IGSF11: variants seen among roughly 807,000 people sequenced by gnomAD.
IGSF11 encodes CXADR like 1.
In IGSF11, 22 loss-of-function variants were observed where a neutral mutation model predicts 41.0. The ratio of observed to expected loss-of-function variants is 0.54; its 90% CI spans 0.38 to 0.77. IGSF11 has a LOEUF of 0.77. Ranked by LOEUF, IGSF11 falls within the 30% of genes least tolerant of loss-of-function variation. The pLI is 0.00. For synonymous variants in IGSF11, 219 were observed against 201.3 expected (o/e 1.09, Z -0.74); for missense variants, 444 against 530.8 (o/e 0.84, Z 1.61).
intron 1 of IGSF11, among the ~76,000 whole-genome samples, chr3:119,134,923 T>A (rs2077538965): frequency 6.6e-6 from 1 of 152,136 alleles, no homozygotes; most frequent in Non-Finnish European, 1.5e-5. Flanking sequence ...TCTACAACCA[T>A]CTGATCTTTG....
intron 1 of IGSF11, among the ~76,000 whole-genome samples, chr3:119,042,387 C>A (rs773785984): frequency 2.0e-5 from 3 of 152,168 alleles, no homozygotes; most frequent in Non-Finnish European, 4.4e-5. Flanking sequence ...AGATCTAAGC[C>A]CTGATTGCAG....
At chr3:118,909,248 G>A (rs1939980464) in intron 4 of IGSF11, among the ~76,000 whole-genome samples, 1 of 151,926 alleles carries the variant, frequency 6.6e-6, no homozygotes, top group Non-Finnish European at 1.5e-5. Context: ...TTTAAATAAT[G>A]AGTAACTATA....
chr3:118,986,228 T>C (rs1935243276), intron 1 of IGSF11, among the ~76,000 whole-genome samples: 1 of 152,188 alleles, frequency 6.6e-6, no homozygotes, highest in Non-Finnish European at 1.5e-5. Flanking sequence ...TGAGAGCAAG[T>C]GCCCTCTACC....
intron 1 of IGSF11, among the ~76,000 whole-genome samples, chr3:119,135,687 AT>A (rs1559886155): frequency 2.0e-5 from 3 of 152,192 alleles, no homozygotes; most frequent in African/African-American, 7.2e-5. Context: ...TAGAAATACC[AT>A]TTGACCCAGC....
intron 1 of IGSF11, among the ~76,000 whole-genome samples, chr3:119,030,380 G>C (rs1025452440): frequency 6.6e-6 from 1 of 152,132 alleles, no homozygotes; most frequent in African/African-American, 2.4e-5. Context: ...TGATGCGGTA[G>C]ATCATTGGCT....
chr3:118,976,645 A>T (rs1934141114), intron 1 of IGSF11, among the ~76,000 whole-genome samples: 1 of 152,218 alleles, frequency 6.6e-6, no homozygotes, highest in Non-Finnish European at 1.5e-5. Context: ...AAGATAGTGA[A>T]CATTCTGAAA....
At chr3:118,914,129 T>C (rs1159771025) in intron 4 of IGSF11, among the ~76,000 whole-genome samples, 2 of 151,884 alleles carry the variant, frequency 1.3e-5, no homozygotes, top group Admixed American at 6.6e-5. Flanking sequence ...CGAAGAGAAA[T>C]ACACTTATAA....
intron 1 of IGSF11, among the ~76,000 whole-genome samples, chr3:119,040,338 C>G (rs1030602370): frequency 1.3e-5 from 2 of 152,204 alleles, no homozygotes; most frequent in Non-Finnish European, 2.9e-5. Context: ...CCCTCATCCA[C>G]CAAGTTATCC....
chr3:118,903,292 A>G (rs1454253758), intron 6 of IGSF11, among the ~76,000 whole-genome samples: 1 of 151,950 alleles, frequency 6.6e-6, no homozygotes, highest in East Asian at 1.9e-4. Context: ...TTTATATATC[A>G]TATAGTAAAT....
chr3:119,130,420 C>T (rs957000423), intron 1 of IGSF11, among the ~76,000 whole-genome samples: 2 of 152,220 alleles, frequency 1.3e-5, no homozygotes, highest in Non-Finnish European at 2.9e-5. Context: ...GTGCCTGGCT[C>T]GGCAGGTCTC....
At chr3:118,918,932 C>G (rs1297842977) in intron 4 of IGSF11, among the ~76,000 whole-genome samples, 1 of 81,746 alleles carries the variant, frequency 1.2e-5, no homozygotes, top group Non-Finnish European at 2.1e-5. Flanking sequence ...TGGAACAGAA[C>G]AGAGCCCTCA....
chr3:119,122,247 G>C (rs1449348990), intron 1 of IGSF11, among the ~76,000 whole-genome samples: 4 of 152,196 alleles, frequency 2.6e-5, no homozygotes, highest in Non-Finnish European at 5.9e-5. Flanking sequence ...CTTGGGTAGA[G>C]AGAACACAGC....
chr3:119,041,752 G>A (rs1645306404), intron 1 of IGSF11, among the ~76,000 whole-genome samples: 1 of 152,112 alleles, frequency 6.6e-6, no homozygotes, highest in South Asian at 2.1e-4. Context: ...TCAAAAATAA[G>A]CAGAAAACGT....
At chr3:119,014,182 C>A (rs1041657044) in intron 1 of IGSF11, among the ~76,000 whole-genome samples, 2 of 152,144 alleles carry the variant, frequency 1.3e-5, no homozygotes, top group African/African-American at 2.4e-5. Flanking sequence ...TTAGGATAAT[C>A]AGGGTGGAAA....
chr3:119,078,908 A>G (rs1421667171), intron 1 of IGSF11, among the ~76,000 whole-genome samples: 3 of 152,208 alleles, frequency 2.0e-5, no homozygotes, highest in African/African-American at 7.2e-5. Context: ...TGGGCAAAGG[A>G]CAGAACAGAA....
intron 1 of IGSF11, among the ~76,000 whole-genome samples, chr3:118,968,564 T>C (rs1932982583): frequency 6.6e-6 from 1 of 152,154 alleles, no homozygotes; most frequent in Admixed American, 6.6e-5. Context: ...CTTCTGAAGC[T>C]ATGTCAAAAA....
intron 1 of IGSF11, among the ~76,000 whole-genome samples, chr3:119,068,307 G>A (rs954389843): frequency 1.3e-5 from 2 of 152,172 alleles, no homozygotes; most frequent in African/African-American, 4.8e-5. Context: ...CTATAAGGGA[G>A]GCTTGGAAAT....
intron 1 of IGSF11, among the ~76,000 whole-genome samples, chr3:119,071,994 TC>T (rs1490254433): frequency 6.6e-6 from 1 of 152,222 alleles, no homozygotes; most frequent in Admixed American, 6.5e-5. Flanking sequence ...ATTTAGGTAT[TC>T]TTTAATTTCT....
chr3:119,014,948 G>A (rs1234832283), intron 1 of IGSF11, among the ~76,000 whole-genome samples: 1 of 152,162 alleles, frequency 6.6e-6, no homozygotes, highest in Non-Finnish European at 1.5e-5. Context: ...TCTAAAAAGT[G>A]TATGAGTCAT....
Sources: allele counts gnomAD v4.1 joint callset (sites outside exome capture counted in the v4.1 genomes callset), GRCh38; gene constraint gnomAD v4.1.1; transcripts MANE v1.5; gene names NCBI Gene and HGNC (gene_info 2026-07-23, HGNC 2026-07-21).